FGGY: variants seen among roughly 807,000 people sequenced by gnomAD.
The protein encoded by FGGY is FGGY carbohydrate kinase domain containing, also known as FGGY carbohydrate kinase domain-containing protein.
Under a neutral mutation model 71.3 loss-of-function variants are expected in FGGY, and 72 were observed. The ratio of observed to expected loss-of-function variants is 1.01; its 90% confidence interval spans 0.84 to 1.23. FGGY has a LOEUF of 1.23. Ranked by LOEUF, FGGY falls within the 50% of genes most tolerant of loss-of-function variation. The pLI is 0.00. For synonymous variants in FGGY, 251 were observed against 250.3 expected (o/e 1.00, Z -0.02); for missense variants, 668 against 682.3 (o/e 0.98, Z 0.23).
At chr1:59,398,936 C>T (rs2061624296) in intron 5 of FGGY, among the ~76,000 whole-genome samples, 1 of 152,128 alleles carries the variant, frequency 6.6e-6, no homozygotes, top group Admixed American at 6.5e-5. Context: ...ATGTATGTGG[C>T]TTCAAAATGT....
At chr1:59,697,767 T>C in intron 14 of FGGY, 7 of 1,196,124 alleles carry the variant, frequency 5.9e-6, no homozygotes, top group Non-Finnish European at 5.5e-6. Context: ...GTAAACAGAA[T>C]TGCATGCTGT....
At chr1:59,526,735 TTC>T (rs2094993020) in intron 7 of FGGY, among the ~76,000 whole-genome samples, 1 of 152,204 alleles carries the variant, frequency 6.6e-6, no homozygotes, top group Non-Finnish European at 1.5e-5. Context: ...CACCTCGCCA[TTC>T]AAATGTGCGA....
intron 1 of FGGY, among the ~76,000 whole-genome samples, chr1:59,297,778 G>C (rs955397360): frequency 1.3e-5 from 2 of 151,590 alleles, no homozygotes; most frequent in South Asian, 2.1e-4. Flanking sequence ...AGCTGAGATC[G>C]TGCCACTGCA....
At chr1:59,444,708 C>T (rs572370878) in intron 5 of FGGY, among the ~76,000 whole-genome samples, 8 of 152,218 alleles carry the variant, frequency 5.3e-5, no homozygotes, top group South Asian at 2.1e-4. Flanking sequence ...TTGTGAACTG[C>T]GCATGCAAGG....
intron 6 of FGGY, among the ~76,000 whole-genome samples, chr1:59,507,993 G>A (rs1163527331): frequency 1.3e-5 from 2 of 151,992 alleles, no homozygotes; most frequent in South Asian, 2.1e-4. Context: ...CATACTAAAT[G>A]CCTCAAACAC....
chr1:59,343,861 A>T (rs2051215600), intron 3 of FGGY, among the ~76,000 whole-genome samples: 1 of 152,176 alleles, frequency 6.6e-6, no homozygotes, highest in Admixed American at 6.6e-5. Flanking sequence ...TCTTTACTAT[A>T]GGCAGAAGTT....
chr1:59,646,954 T>C (rs907204963), intron 11 of FGGY, among the ~76,000 whole-genome samples: 1 of 152,272 alleles, frequency 6.6e-6, no homozygotes, highest in Non-Finnish European at 1.5e-5. Context: ...AATGACTTTT[T>C]AAATTCTATC....
At chr1:59,614,236 G>A (rs1292442356) in intron 9 of FGGY, among the ~76,000 whole-genome samples, 1 of 152,142 alleles carries the variant, frequency 6.6e-6, no homozygotes, top group African/African-American at 2.4e-5. Flanking sequence ...GAACATCGAT[G>A]CAAAAATCCT....
At chr1:59,568,627 G>C (rs114160045) in intron 8 of FGGY, among the ~76,000 whole-genome samples, 1 of 152,062 alleles carries the variant, frequency 6.6e-6, no homozygotes, top group Non-Finnish European at 1.5e-5. Flanking sequence ...CCGTGTGTGC[G>C]TCTTCCCCAA....
intron 6 of FGGY, among the ~76,000 whole-genome samples, chr1:59,491,892 A>G (rs2093876297): frequency 6.6e-6 from 1 of 152,152 alleles, no homozygotes; most frequent in Non-Finnish European, 1.5e-5. Context: ...ATTTTTCTGT[A>G]TGTACTTTCC....
intron 14 of FGGY, among the ~76,000 whole-genome samples, chr1:59,685,909 GAA>G (rs755162262): frequency 9.2e-5 from 14 of 152,204 alleles, no homozygotes; most frequent in Non-Finnish European, 1.9e-4. Flanking sequence ...GCAAAACTGG[GAA>G]AAGTGTCAAG....
intron 6 of FGGY, among the ~76,000 whole-genome samples, chr1:59,487,002 T>A (rs2093676869): frequency 6.6e-6 from 1 of 152,212 alleles, no homozygotes; most frequent in Non-Finnish European, 1.5e-5. Context: ...AGCCAAGCTA[T>A]AGGTTATACA....
intron 5 of FGGY, among the ~76,000 whole-genome samples, chr1:59,433,435 G>A (rs1174324475): frequency 1.3e-5 from 2 of 152,070 alleles, no homozygotes; most frequent in Non-Finnish European, 2.9e-5. Flanking sequence ...TATTTTCCAG[G>A]CCTCATGTGT....
intron 6 of FGGY, among the ~76,000 whole-genome samples, chr1:59,465,909 T>C (rs865914722): frequency 4.3e-4 from 65 of 152,180 alleles, no homozygotes; most frequent in African/African-American, 1.5e-3. Flanking sequence ...AGAATCAATA[T>C]CATGAAAATT....
At chr1:59,504,060 A>AT (rs2094312986) in intron 6 of FGGY, among the ~76,000 whole-genome samples, 1 of 152,062 alleles carries the variant, frequency 6.6e-6, no homozygotes. Context: ...GTCCAATCAT[A>AT]TTTTTACATG....
In FGGY at chr1:59,591,237, G is replaced by T. The variant is rs540774521; in HGVS notation, c.904-16566G>T. ...GCTAGGAATCCAACTTACAAGGGAT[G>T]TGAAGGACCTCATCAAGGAGAACTA... On this transcript the variant is annotated intron_variant, in intron 8 of 15. Coordinates refer to ENST00000303721, the MANE Select transcript of FGGY (RefSeq NM_018291.5). Among the ~76,000 whole-genome samples, 382 of 152,326 alleles carry T rather than the reference G, an allele frequency of 2.5e-3. 7 individuals carry two copies. The South Asian group carries it at 0.039, about 16-fold the overall frequency.
intron 4 of FGGY, among the ~76,000 whole-genome samples, chr1:59,354,775 A>G (rs1277441523): frequency 2.6e-5 from 4 of 152,180 alleles, no homozygotes; most frequent in Non-Finnish European, 5.9e-5. Context: ...GAGAGGCAGA[A>G]AATAGACACA....
intron 8 of FGGY, among the ~76,000 whole-genome samples, chr1:59,567,148 G>C (rs1267617014): frequency 1.3e-5 from 2 of 152,182 alleles, no homozygotes; most frequent in Non-Finnish European, 1.5e-5. Flanking sequence ...AGGCTGGGCA[G>C]AGAAAGGGAG....
chr1:59,496,366 G>A (rs567016581), intron 6 of FGGY, among the ~76,000 whole-genome samples: 1 of 152,128 alleles, frequency 6.6e-6, no homozygotes, highest in Admixed American at 6.5e-5. Flanking sequence ...ATAAGATTTT[G>A]TCCTCTGCAG....
Sources: gnomAD v4.1 joint callset for allele counts (sites outside exome capture counted in the v4.1 genomes callset) on GRCh38, gnomAD v4.1.1 for gene constraint, MANE v1.5 for transcripts, NCBI Gene and HGNC (gene_info 2026-07-23, HGNC 2026-07-21) for gene names.